The following PCDH15 variants were observed in gnomAD, a reference collection of about 807,000 sequenced individuals.
The protein encoded by PCDH15 is protocadherin-15.
Under a neutral mutation model 178.5 loss-of-function variants are expected in PCDH15, and 129 were observed. The ratio of observed to expected loss-of-function variants is 0.72; its 90% CI spans 0.63 to 0.84. PCDH15 has a LOEUF of 0.84. PCDH15 is among the 40% of genes least tolerant of loss of function. The probability of loss-of-function intolerance (pLI) is 0.00; values close to 1 mark genes in which losing one functional copy is unlikely to be tolerated. For synonymous variants in PCDH15, 800 were observed against 732.0 expected (o/e 1.09, Z -1.50); for missense variants, 2,230 against 2,099.9 (o/e 1.06, Z -1.21).
At chr10:53,915,242 A>G (rs1414801473) in intron 25 of PCDH15, among the ~76,000 whole-genome samples, 1 of 152,222 alleles carries the variant, frequency 6.6e-6, no homozygotes, top group Non-Finnish European at 1.5e-5. Flanking sequence ...ATATACTTAC[A>G]AAACATTTAG....
At chr10:55,283,257 A>G (rs1217140499) in intron 1 of PCDH15, among the ~76,000 whole-genome samples, 2 of 152,090 alleles carry the variant, frequency 1.3e-5, no homozygotes, top group Non-Finnish European at 2.9e-5. Flanking sequence ...GCCCTTACCC[A>G]AGAAATGACT....
At chr10:54,732,073 G>A (rs1449316362) in intron 1 of PCDH15, among the ~76,000 whole-genome samples, 4 of 149,476 alleles carry the variant, frequency 2.7e-5, no homozygotes, top group African/African-American at 9.8e-5. Context: ...CATCTATTAT[G>A]AATCAATGCA....
intron 13 of PCDH15, among the ~76,000 whole-genome samples, chr10:54,181,889 A>C (rs2133777943): frequency 6.6e-6 from 1 of 152,244 alleles, no homozygotes; most frequent in South Asian, 2.1e-4. Context: ...AGCATATCTT[A>C]ATTCATAAAT....
intron 6 of PCDH15, among the ~76,000 whole-genome samples, chr10:54,345,505 G>A (rs1943093529): frequency 2.0e-5 from 3 of 152,052 alleles, no homozygotes; most frequent in Admixed American, 1.3e-4. Flanking sequence ...AGAAAGTGGG[G>A]AGATGTGAGG....
At chr10:53,810,181 CTA>C (rs1166168117) in intron 37 of PCDH15, among the ~76,000 whole-genome samples, 3 of 152,136 alleles carry the variant, frequency 2.0e-5, no homozygotes, top group African/African-American at 7.2e-5. Context: ...AAGGTGGAGA[CTA>C]TATTTTTTCA....
At chr10:55,521,709 A>G (rs1393809914) in intron 2 of PCDH15, among the ~76,000 whole-genome samples, 4 of 151,994 alleles carry the variant, frequency 2.6e-5, no homozygotes, top group Non-Finnish European at 5.9e-5. Context: ...CATTGGGTAT[A>G]GAGATGCTCC....
At chr10:54,831,314 A>T (rs1020345902) in intron 3 of PCDH15, among the ~76,000 whole-genome samples, 50 of 152,088 alleles carry the variant, frequency 3.3e-4, no homozygotes, top group African/African-American at 1.2e-3. Flanking sequence ...GACAGAAAAA[A>T]CTTATTGTCA....
intron 1 of PCDH15, among the ~76,000 whole-genome samples, chr10:55,217,763 G>C (rs142048631): frequency 1.3e-5 from 2 of 151,898 alleles, no homozygotes; most frequent in African/African-American, 4.8e-5. Flanking sequence ...ATAAAACACT[G>C]CTATTTTTCT....
chr10:54,506,322 A>G (rs1382557723), intron 3 of PCDH15, among the ~76,000 whole-genome samples: 1 of 152,070 alleles, frequency 6.6e-6, no homozygotes, highest in Non-Finnish European at 1.5e-5. Flanking sequence ...ATTTAGGTGG[A>G]TAATTCAAAA....
chr10:54,902,677 T>C (rs1458585973), intron 2 of PCDH15, among the ~76,000 whole-genome samples: 1 of 152,170 alleles, frequency 6.6e-6, no homozygotes, highest in Non-Finnish European at 1.5e-5. Flanking sequence ...CCAGAAGATA[T>C]GTCATTTCTG....
intron 2 of PCDH15, among the ~76,000 whole-genome samples, chr10:54,646,168 C>A (rs1362958610): frequency 1.3e-5 from 2 of 152,040 alleles, no homozygotes; most frequent in East Asian, 3.9e-4. Context: ...TTCTTAAAAT[C>A]TTTTTGTAAT....
intron 3 of PCDH15, among the ~76,000 whole-genome samples, chr10:54,382,606 T>C (rs1949379204): frequency 6.6e-6 from 1 of 152,176 alleles, no homozygotes; most frequent in Non-Finnish European, 1.5e-5. Flanking sequence ...CTATGTTGTA[T>C]ACATGTGTCT....
At chr10:54,828,396 A>C (rs921230030) in intron 3 of PCDH15, among the ~76,000 whole-genome samples, 1 of 151,970 alleles carries the variant, frequency 6.6e-6, no homozygotes, top group Non-Finnish European at 1.5e-5. Flanking sequence ...TCAATTTATA[A>C]CTTCAATTTA....
chr10:54,496,830 G>T (rs1418365), intron 3 of PCDH15, among the ~76,000 whole-genome samples: 6 of 152,002 alleles, frequency 3.9e-5, no homozygotes, highest in African/African-American at 1.2e-4. Context: ...CTTATCCATT[G>T]CCCAAACTCA....
chr10:55,422,750 C>T (rs939662624), intron 2 of PCDH15, among the ~76,000 whole-genome samples: 5 of 151,442 alleles, frequency 3.3e-5, no homozygotes, highest in Non-Finnish European at 7.4e-5. Flanking sequence ...AAGAAGAAGG[C>T]AATAAGGAAT....
intron 2 of PCDH15, among the ~76,000 whole-genome samples, chr10:55,015,193 T>G (rs1204522000): frequency 6.6e-6 from 1 of 152,006 alleles, no homozygotes; most frequent in Non-Finnish European, 1.5e-5. Context: ...CCCACCACAT[T>G]TTACACTTAA....
chr10:55,129,914 G>C (rs990104039), intron 2 of PCDH15, among the ~76,000 whole-genome samples: 4 of 152,056 alleles, frequency 2.6e-5, no homozygotes, highest in African/African-American at 9.7e-5. Flanking sequence ...CAATAAATGT[G>C]AGGTACATTC....
intron 4 of PCDH15, among the ~76,000 whole-genome samples, chr10:54,370,415 T>G (rs1947478189): frequency 6.6e-6 from 1 of 151,944 alleles, no homozygotes; most frequent in South Asian, 2.1e-4. Flanking sequence ...ATGTACTTGT[T>G]TTGGTTTGTC....
intron 2 of PCDH15, among the ~76,000 whole-genome samples, chr10:55,604,330 G>T (rs7899574): frequency 0.3 from 41,803 of 139,090 alleles, 6,030 homozygotes; most frequent in East Asian, 0.45. Context: ...ACATTAGACA[G>T]ATCAACGAGA....
Sources: gnomAD v4.1 joint callset for allele counts (sites outside exome capture counted in the v4.1 genomes callset) on GRCh38, gnomAD v4.1.1 for gene constraint, MANE v1.5 for transcripts, NCBI Gene and HGNC (gene_info 2026-07-23, HGNC 2026-07-21) for gene names.